RYR3: variants seen among roughly 807,000 people sequenced by gnomAD.
RYR3 encodes brain ryanodine receptor-calcium release channel.
Under a neutral mutation model 584.3 loss-of-function variants are expected in RYR3, and 207 were observed. That is an observed-to-expected ratio of 0.35 (90% CI 0.32 to 0.40). The LOEUF is 0.40. Among genes scored for constraint, RYR3 ranks in the 10% least tolerant of loss-of-function variants. The probability of loss-of-function intolerance (pLI) is 1.00; values close to 1 mark genes in which losing one functional copy is unlikely to be tolerated. For synonymous variants in RYR3, 2,416 were observed against 2,248.5 expected, an observed-to-expected ratio of 1.07 and a Z score of -2.11; for missense variants, 5,616 against 6,089.2, an observed-to-expected ratio of 0.92 and a Z score of 2.59.
rs114465680 is a variant in RYR3, at chr15:33,485,969, C to T, written c.171+12431C>T. Among the ~76,000 whole-genome samples, 778 of 152,158 alleles carry T rather than the reference C, an allele frequency of 5.1e-3. 3 individuals are homozygous for T. The highest frequency in any genetic ancestry group is 0.018 in the African/African-American group (753 of 41,498). On this transcript the variant is annotated intron_variant, in intron 2 of 103. Transcript: ENST00000634891. ...TAGGGAGAGTAGTTTAATGAGTGAG[C>T]GAGCAAGTTGGAAGATGAGTACATG...
At chr15:33,331,696 A>G (rs1233062788) in intron 1 of RYR3, among the ~76,000 whole-genome samples, 1 of 152,070 alleles carries the variant, frequency 6.6e-6, no homozygotes, top group Non-Finnish European at 1.5e-5. Context: ...GAACTTAGCT[A>G]AAGGATGTAT....
At chr15:33,531,647 A>ATAT (rs34666972) in intron 4 of RYR3, among the ~76,000 whole-genome samples, 60 of 137,652 alleles carry the variant, frequency 4.4e-4, no homozygotes, top group South Asian at 1.4e-3. Flanking sequence ...ATATATATAT[A>ATAT]TTTTTTTTTC....
chr15:33,450,073 A>G (rs2046983323), intron 1 of RYR3, among the ~76,000 whole-genome samples: 1 of 132,382 alleles, frequency 7.6e-6, no homozygotes, highest in Non-Finnish European at 1.6e-5. Flanking sequence ...TACTGCGGCT[A>G]GAGCATTAAT....
At chr15:33,577,664 C>A (rs149327089) in intron 12 of RYR3, among the ~76,000 whole-genome samples, 26 of 152,168 alleles carry the variant, frequency 1.7e-4, no homozygotes, top group African/African-American at 6.3e-4. Flanking sequence ...CTATAAAAAC[C>A]CTAGAAGAAA....
Position 33,802,312 on chromosome 15 carries a change from C to A in RYR3, c.10011+351C>A, listed in dbSNP as rs548135245. 2.0e-5 allele frequency among the ~76,000 whole-genome samples: 3 copies of A among 152,320 alleles called. No homozygotes were observed. The East Asian group carries it at 5.8e-4, about 29-fold the overall frequency. On this transcript the variant is annotated intron_variant, in intron 69 of 103. Transcript: ENST00000634891. ...CAGCAATACACATGCCTAGAACCAC[C>A]TTTTGATAGCTAGGAAAAAATTACC...
chr15:33,862,562 G>C (rs74613033), intron 102 of RYR3, among the ~76,000 whole-genome samples: 2 of 152,194 alleles, frequency 1.3e-5, no homozygotes, highest in East Asian at 3.9e-4. Flanking sequence ...ATTGTCAGAA[G>C]TGGCAAAGAT....
At chr15:33,773,099 T>C (rs1417026328) in intron 63 of RYR3, among the ~76,000 whole-genome samples, 2 of 152,234 alleles carry the variant, frequency 1.3e-5, no homozygotes, top group East Asian at 3.8e-4. Context: ...AGTCTAGCAG[T>C]TGGACGTATC....
chr15:33,354,980 T>C (rs1188282075), intron 1 of RYR3, among the ~76,000 whole-genome samples: 6 of 152,128 alleles, frequency 3.9e-5, no homozygotes, highest in African/African-American at 9.7e-5. Flanking sequence ...GGTCAGGAGA[T>C]TGAGACCAGC....
At chr15:33,473,669 C>G in intron 2 of RYR3, 131 bp downstream of exon 2, 1 of 924,358 alleles carries the variant, frequency 1.1e-6, no homozygotes, top group South Asian at 1.7e-5. Context: ...AAATGGGAAG[C>G]AGATCTGGTT....
chr15:33,380,091 C>T (rs1247352204), intron 1 of RYR3, among the ~76,000 whole-genome samples: 1 of 152,194 alleles, frequency 6.6e-6, no homozygotes, highest in Non-Finnish European at 1.5e-5. Flanking sequence ...TGGTCTTCCT[C>T]TCCCAGTTCA....
At chr15:33,373,968 G>T (rs1595887760) in intron 1 of RYR3, among the ~76,000 whole-genome samples, 3 of 152,278 alleles carry the variant, frequency 2.0e-5, no homozygotes, top group South Asian at 4.1e-4. Context: ...TTAAGAAAAA[G>T]AAATCTTATT....
intron 1 of RYR3, among the ~76,000 whole-genome samples, chr15:33,366,786 A>G (rs1975562508): frequency 6.6e-6 from 1 of 152,210 alleles, no homozygotes; most frequent in South Asian, 2.1e-4. Flanking sequence ...GGAGAATTCT[A>G]CTACTTACAA....
intron 42 of RYR3, 115 bp downstream of exon 42, chr15:33,701,195 C>T: frequency 1.5e-6 from 1 of 647,280 alleles, no homozygotes; most frequent in South Asian, 2.1e-5. Flanking sequence ...TCTTGGTGGG[C>T]TTGTAGGGAA....
At position 33,603,211 on chromosome 15, in the gene RYR3, C is replaced by A. The variant is rs185018887; in HGVS notation, c.2011C>A (p.Pro671Thr). Residue 671 changes from proline (P) to threonine (T), a missense_variant, in exon 18 of 104, where the codon CCC becomes ACC. By Grantham distance (38) the Pro-to-Thr change is conservative. Transcript: ENST00000634891. Reference protein sequence around the residue: ...YFELIIDQVDPFLTAEPTHLR... With the variant: ...YFELIIDQVDTFLTAEPTHLR... ...CGAGCTGATTATCGACCAGGTGGAC[C>A]CCTTCCTAACAGCAGAGCCCACACA... The A allele has an allele frequency of 2.5e-6, 4 of 1,613,866 alleles. No homozygotes were observed. In the Admixed American group the frequency reaches 6.7e-5, roughly 27 times the overall value.
At chr15:33,840,040 C>G (rs1312619190) in intron 89 of RYR3, among the ~76,000 whole-genome samples, 1 of 152,134 alleles carries the variant, frequency 6.6e-6, no homozygotes, top group Non-Finnish European at 1.5e-5. Flanking sequence ...TGGGAGAAGA[C>G]AACAAATAAG....
At chr15:33,419,500 C>G (rs1269310136) in intron 1 of RYR3, among the ~76,000 whole-genome samples, 1 of 152,084 alleles carries the variant, frequency 6.6e-6, no homozygotes, top group African/African-American at 2.4e-5. Context: ...TTCCTTCCAT[C>G]TATCATTCAT....
rs1212747967 is a variant in RYR3, at chr15:33,311,037, T to G, written c.-9T>G. ...CGGAGGCTGGGGCACCGCCGACGCC[T>G]CGGGAGCCATGGCCGAAGGGGGAGA... On this transcript the variant is annotated 5_prime_UTR_variant, in exon 1 of 104. Coordinates refer to ENST00000634891, the MANE Select transcript of RYR3 (RefSeq NM_001036.6). The surrounding 1 kb of genome is among the most constrained non-coding windows in gnomAD (Gnocchi z 4.4). 1 of 1,577,916 alleles carries G rather than the reference T, an allele frequency of 6.3e-7. No homozygotes were observed. Among genetic ancestry groups the G allele is most frequent in the Non-Finnish European group, 8.6e-7 (1 of 1,163,908 alleles).
intron 69 of RYR3, among the ~76,000 whole-genome samples, chr15:33,802,788 TTA>T (rs1426890445): frequency 6.6e-6 from 1 of 152,246 alleles, no homozygotes; most frequent in Non-Finnish European, 1.5e-5. Flanking sequence ...AGGGTTGATT[TTA>T]TATGTCAAGT....
At chr15:33,860,569 C>G (rs1392434726) in intron 100 of RYR3, 26 bp from the exon 101 acceptor site, 1 of 1,484,486 alleles carries the variant, frequency 6.7e-7, no homozygotes, top group Admixed American at 2.0e-5. Context: ...ACACAGATTG[C>G]TTTGTCTTTG....
Sources: allele counts gnomAD v4.1 joint callset (sites outside exome capture counted in the v4.1 genomes callset), GRCh38; gene constraint gnomAD v4.1.1; non-coding constraint Gnocchi (gnomAD v3.1); transcripts MANE v1.5; gene names NCBI Gene and HGNC (gene_info 2026-07-23, HGNC 2026-07-21).